NUAK1: variants seen among roughly 807,000 people sequenced by gnomAD.
NUAK1 encodes the protein NUAK family SNF1-like kinase 1.
A neutral mutation model predicts 56.9 loss-of-function variants in NUAK1; 26 were observed. The ratio of observed to expected loss-of-function variants is 0.46; its 90% confidence interval spans 0.33 to 0.63. NUAK1 has a LOEUF of 0.63. Among genes scored for constraint, NUAK1 ranks in the 30% least tolerant of loss-of-function variants. NUAK1 has a pLI of 0.02. For missense variants in NUAK1, 727 were observed against 876.1 expected (o/e 0.83, Z 2.15); for synonymous variants, 337 against 336.0 (o/e 1.00, Z -0.03).
rs1398854614 is a variant in NUAK1 at position 106,138,432 on chromosome 12, C to G, written c.222G>C (p.Glu74Asp). The change falls in exon 1 of 7, where the codon GAG (glutamate) becomes GAC (aspartate). Residue 74 changes from glutamate (E) to aspartate (D), a missense_variant. By Grantham distance (45) the Glu-to-Asp change is conservative. Transcript: ENST00000261402. The surrounding 1 kb of genome is among the most constrained non-coding windows in gnomAD (Gnocchi z 5.0). ...GTYGKVKRAT[E>D]RFSGRVVAIK... ...CACTCACCACTCGGCCAGAAAACCT[C>G]TCGGTGGCCCGCTTGACTTTGCCGT... 6.2e-7 allele frequency: 1 copy of G among 1,610,874 alleles called. No individual in the cohort carries two copies. The highest frequency in any genetic ancestry group is 8.5e-7 in the Non-Finnish European group (1 of 1,179,002).
chr12:106,086,968 A>T (rs2032578404), intron 2 of NUAK1, 83 bp from the exon 3 acceptor site: 1 of 1,524,066 alleles, frequency 6.6e-7, no homozygotes, highest in Non-Finnish European at 8.9e-7. Flanking sequence ...AGAGAGGACA[A>T]CGGAGATGTC....
At chr12:106,135,363 G>A (rs1458588507) in intron 1 of NUAK1, among the ~76,000 whole-genome samples, 1 of 152,148 alleles carries the variant, frequency 6.6e-6, no homozygotes, top group Non-Finnish European at 1.5e-5. Flanking sequence ...CGACACACAG[G>A]GTCGCACCAG....
At chr12:106,126,264 A>G (rs2033023568) in intron 1 of NUAK1, among the ~76,000 whole-genome samples, 1 of 152,096 alleles carries the variant, frequency 6.6e-6, no homozygotes, top group African/African-American at 2.4e-5. Context: ...GCAATATCTT[A>G]CTCCCTGTTG....
intron 2 of NUAK1, among the ~76,000 whole-genome samples, chr12:106,089,906 G>C (rs2032618057): frequency 1.3e-5 from 2 of 152,166 alleles, no homozygotes; most frequent in Admixed American, 6.5e-5. Context: ...GACTGCATTT[G>C]GAGGGGTCAA....
intron 4 of NUAK1, among the ~76,000 whole-genome samples, chr12:106,079,570 A>T (rs751581259): frequency 7.2e-5 from 11 of 152,302 alleles, no homozygotes; most frequent in Admixed American, 2.0e-4. Flanking sequence ...GACAGTGTGA[A>T]CCATGTGTGC....
chr12:106,119,580 A>G (rs1272909004), intron 1 of NUAK1, among the ~76,000 whole-genome samples: 3 of 152,240 alleles, frequency 2.0e-5, no homozygotes, highest in Non-Finnish European at 4.4e-5. Flanking sequence ...GAAAGCTGCT[A>G]GACACAGCCT....
chr12:106,087,223 C>A (rs1407355655), intron 2 of NUAK1, among the ~76,000 whole-genome samples: 2 of 152,306 alleles, frequency 1.3e-5, no homozygotes, highest in African/African-American at 2.4e-5. Flanking sequence ...TGGGTAACAA[C>A]AAACACAACC....
chr12:106,101,873 C>T (rs1055437440), intron 2 of NUAK1, among the ~76,000 whole-genome samples: 2 of 152,076 alleles, frequency 1.3e-5, no homozygotes, highest in African/African-American at 2.4e-5. Flanking sequence ...TCACGTTCAG[C>T]GCTGGATCTT....
intron 2 of NUAK1, chr12:106,106,119 T>C: frequency 3.9e-6 from 1 of 254,992 alleles, no homozygotes. Flanking sequence ...CAGGGCTGTC[T>C]CACAAACTGG....
intron 1 of NUAK1, among the ~76,000 whole-genome samples, chr12:106,109,414 A>G (rs754315073): frequency 2.6e-5 from 4 of 151,942 alleles, no homozygotes; most frequent in Non-Finnish European, 5.9e-5. Flanking sequence ...ACTTATGGCC[A>G]CCTCCCTCTC....
chr12:106,117,740 A>G (rs2032932184), intron 1 of NUAK1, among the ~76,000 whole-genome samples: 1 of 152,188 alleles, frequency 6.6e-6, no homozygotes, highest in Non-Finnish European at 1.5e-5. Context: ...CTGCCAAATA[A>G]TGTTCACACC....
intron 1 of NUAK1, among the ~76,000 whole-genome samples, chr12:106,121,771 G>C (rs1358889007): frequency 2.0e-5 from 3 of 151,964 alleles, no homozygotes; most frequent in Non-Finnish European, 2.9e-5. Flanking sequence ...AGGTGGGGGG[G>C]TGTGGGGAGG....
rs768309597 is a variant in NUAK1 at position 106,138,691 on chromosome 12, A to C, written c.-38T>G. The stretch of plus-strand genomic sequence containing the variant: ...GGCGAGCCGGGCTACAGAGGGCAAG[A>C]CCGGGCACAGCGCTGGGATGTCGGG... On this transcript the variant is annotated 5_prime_UTR_variant, in exon 1 of 7. Transcript: ENST00000261402. The surrounding 1 kb of genome is among the most constrained non-coding windows in gnomAD (Gnocchi z 5.0). The C allele has an allele frequency of 6.8e-7, 1 of 1,470,682 alleles. No homozygotes were observed. The highest frequency in any genetic ancestry group is 1.4e-5 in the South Asian group (1 of 72,018). 91.1% of individuals were successfully genotyped at this position (1,470,682 alleles called of 1,614,324 possible). A position where few individuals can be genotyped will look rare whatever the true frequency, so the allele number is the denominator to read the frequency against.
intron 1 of NUAK1, among the ~76,000 whole-genome samples, chr12:106,118,723 C>A (rs1356469917): frequency 1.3e-5 from 2 of 152,222 alleles, no homozygotes; most frequent in African/African-American, 4.8e-5. Flanking sequence ...TACCAATATT[C>A]CCCAGATGTT....
chr12:106,135,595 C>T (rs983254399), intron 1 of NUAK1, among the ~76,000 whole-genome samples: 2 of 152,192 alleles, frequency 1.3e-5, no homozygotes, highest in African/African-American at 4.8e-5. Context: ...ACCCCATACT[C>T]GGCACCTGTC....
At chr12:106,132,317 TTC>T (rs2033086379) in intron 1 of NUAK1, among the ~76,000 whole-genome samples, 2 of 152,212 alleles carry the variant, frequency 1.3e-5, no homozygotes, top group Admixed American at 6.5e-5. Context: ...TCCCAAGATA[TTC>T]TCTCGCTCAA....
chr12:106,112,265 G>A (rs550504550), intron 1 of NUAK1, among the ~76,000 whole-genome samples: 4 of 152,130 alleles, frequency 2.6e-5, no homozygotes, highest in African/African-American at 7.2e-5. Context: ...CACGTTCCAC[G>A]GGAGCTGCAG....
At chr12:106,137,533 G>A (rs2033141126) in intron 1 of NUAK1, among the ~76,000 whole-genome samples, 1 of 152,242 alleles carries the variant, frequency 6.6e-6, no homozygotes, top group Non-Finnish European at 1.5e-5. Context: ...TCAAGGGCCT[G>A]TTCTGCAGAA....
At chr12:106,075,652 T>C (rs1220860729) in intron 4 of NUAK1, among the ~76,000 whole-genome samples, 1 of 152,196 alleles carries the variant, frequency 6.6e-6, no homozygotes, top group Non-Finnish European at 1.5e-5. Context: ...GCAGAGTTTA[T>C]CCCAATGCCA....
Sources: gnomAD v4.1 joint callset for allele counts (sites outside exome capture counted in the v4.1 genomes callset) on GRCh38, gnomAD v4.1.1 for gene constraint, Gnocchi (gnomAD v3.1) non-coding constraint, MANE v1.5 for transcripts, NCBI Gene and HGNC (gene_info 2026-07-23, HGNC 2026-07-21) for gene names.